Variants in CLASP2 observed in about 807,000 individuals in gnomAD.
CLASP2 encodes the protein cytoplasmic linker associated protein 2.
In CLASP2, 47 loss-of-function variants were observed where a neutral mutation model predicts 194.4. The ratio of observed to expected loss-of-function variants is 0.24; its 90% CI spans 0.19 to 0.31. The LOEUF is 0.31. Among genes scored for constraint, CLASP2 ranks in the 10% least tolerant of loss-of-function variants. The pLI is 1.00. For missense variants in CLASP2, 1,445 were observed against 1,823.6 expected, an observed-to-expected ratio of 0.79 and a Z score of 3.78; for synonymous variants, 619 against 633.5, an observed-to-expected ratio of 0.98 and a Z score of 0.34.
chr3:33,644,918 A>C lies in CLASP2; in HGVS notation c.716-15T>G, dbSNP rs2082019638. 1 of 1,576,400 alleles carries C rather than the reference A, an allele frequency of 6.3e-7. No homozygotes were observed. On this transcript the variant is annotated splice_polypyrimidine_tract_variant and intron_variant, in intron 7 of 38. Coordinates refer to ENST00000682230, the MANE Select transcript of CLASP2 (RefSeq NM_001365631.1). The stretch of plus-strand genomic sequence containing the variant: ...GAAGCTTTTATCTGCACAAAGCATC[A>C]GAAAAATGTATTTAAGAGAACTAAG...
At chr3:33,618,859 C>T (rs1165268506) in intron 12 of CLASP2, among the ~76,000 whole-genome samples, 1 of 152,094 alleles carries the variant, frequency 6.6e-6, no homozygotes, top group African/African-American at 2.4e-5. Context: ...CAGACTTCCT[C>T]AAGATATGAG....
At position 33,626,998 on chromosome 3, in the gene CLASP2, C is replaced by T; in HGVS notation, c.1025G>A (p.Arg342His). Residue 342 changes from arginine to histidine, a missense_variant, in exon 10 of 39, where the codon CGT (arginine) becomes CAT (histidine). Around this residue, in one of 4 missense-constraint regions of CLASP2, gnomAD observed 207 missense variants for 331.4 expected, o/e 0.62. Transcript: ENST00000682230. ...AAGACAAAAACTTACTGCATTGGCA[C>T]GCTGATCCCAGTCATGTTTATCATC... Reference protein sequence around the residue: ...LSDDKHDWDQRANALKKIRSL... With the variant: ...LSDDKHDWDQHANALKKIRSL... 2 of 1,587,734 alleles carry T rather than the reference C, an allele frequency of 1.3e-6. No individual in the cohort carries two copies. Among genetic ancestry groups the T allele is most frequent in the Non-Finnish European group, 1.7e-6 (2 of 1,164,264 alleles).
At chr3:33,674,958 C>A (rs1384512331) in intron 6 of CLASP2, among the ~76,000 whole-genome samples, 1 of 151,978 alleles carries the variant, frequency 6.6e-6, no homozygotes, top group Non-Finnish European at 1.5e-5. Flanking sequence ...GCTTACCAAC[C>A]AAAAAGGGTC....
Position 33,538,956 on chromosome 3 carries a change from G to T in CLASP2, c.3405-14C>A. 1 of 1,537,964 alleles carries T rather than the reference G, an allele frequency of 6.5e-7. No individual in the cohort carries two copies. Among genetic ancestry groups the T allele is most frequent in the Non-Finnish European group, 8.7e-7 (1 of 1,143,882 alleles). On this transcript the variant is annotated splice_polypyrimidine_tract_variant and intron_variant, in intron 32 of 38. Transcript: ENST00000682230. ...TAATCAAATGCACTATGAAAAAGACGACACTAATTTTTACTTAGGTGTAGT... is the reference window on the plus strand; with the variant it reads ...TAATCAAATGCACTATGAAAAAGACTACACTAATTTTTACTTAGGTGTAGT...
At chr3:33,509,449 A>C (rs2049168408) in intron 37 of CLASP2, among the ~76,000 whole-genome samples, 1 of 152,160 alleles carries the variant, frequency 6.6e-6, no homozygotes, top group African/African-American at 2.4e-5. Context: ...TCCCGACCTC[A>C]GGTGATCTGC....
At chr3:33,636,917 G>A (rs1472410796) in intron 8 of CLASP2, among the ~76,000 whole-genome samples, 1 of 152,094 alleles carries the variant, frequency 6.6e-6, no homozygotes, top group Non-Finnish European at 1.5e-5. Context: ...TTTGTTTAAA[G>A]ACAAAATCAC....
intron 7 of CLASP2, among the ~76,000 whole-genome samples, chr3:33,652,715 T>C (rs915246872): frequency 2.0e-5 from 3 of 152,118 alleles, no homozygotes; most frequent in Admixed American, 6.5e-5. Context: ...ATCTCCCCCA[T>C]GGGTATCTCC....
At chr3:33,615,691 T>A (rs2076028626) in intron 12 of CLASP2, among the ~76,000 whole-genome samples, 1 of 151,922 alleles carries the variant, frequency 6.6e-6, no homozygotes, top group African/African-American at 2.4e-5. Flanking sequence ...ACTACCTATA[T>A]AAAGTGATGA....
chr3:33,530,924 C>T (rs902035228), intron 34 of CLASP2, among the ~76,000 whole-genome samples: 1 of 152,170 alleles, frequency 6.6e-6, no homozygotes, highest in Non-Finnish European at 1.5e-5. Flanking sequence ...TCTACAGATT[C>T]AGTGCAATCA....
intron 1 of CLASP2, among the ~76,000 whole-genome samples, chr3:33,701,675 T>C (rs767463285): frequency 6.6e-6 from 1 of 152,172 alleles, no homozygotes; most frequent in Non-Finnish European, 1.5e-5. Context: ...AGTCAACTGA[T>C]CTCCAACAAC....
intron 34 of CLASP2, among the ~76,000 whole-genome samples, chr3:33,521,272 T>C (rs1328598828): frequency 2.0e-5 from 3 of 152,154 alleles, no homozygotes; most frequent in Admixed American, 6.5e-5. Flanking sequence ...GAAAAGAATA[T>C]GTAACCTGTT....
rs1403787484 is a variant in CLASP2, at chr3:33,689,863, A to G, written c.344T>C (p.Ile115Thr). The G allele has an allele frequency of 6.3e-7, 1 of 1,597,914 alleles. No individual in the cohort carries two copies. The highest frequency in any genetic ancestry group is 8.5e-7 in the Non-Finnish European group (1 of 1,172,704). Residue 115 changes from isoleucine (I) to threonine (T), a missense_variant, in exon 3 of 39, where the codon ATA (isoleucine) becomes ACA (threonine). By Grantham distance (89) the Ile-to-Thr change is moderately conservative. Coordinates refer to ENST00000682230, the MANE Select transcript of CLASP2 (RefSeq NM_001365631.1). ...DKVRDEAQTLILKLMDQVAPP... is the reference protein window; with the variant it reads ...DKVRDEAQTLTLKLMDQVAPP... ...TGCTACTTGATCCATTAACTTCAAT[A>G]TCAGAGTCTGAGCTTCATCTCGAAC...
intron 24 of CLASP2, 36 bp from the exon 25 acceptor site, chr3:33,573,390 A>G (rs1196840296): frequency 6.2e-7 from 1 of 1,603,002 alleles, no homozygotes; most frequent in Non-Finnish European, 8.5e-7. Context: ...GCAGTAGCCA[A>G]AAGAATATAT....
chr3:33,551,510 G>A, intron 29 of CLASP2, 115 bp from the exon 30 acceptor site: 1 of 1,018,722 alleles, frequency 9.8e-7, no homozygotes, highest in Non-Finnish European at 1.4e-6. Context: ...ATACAGATAG[G>A]GTCTTACTAT....
intron 27 of CLASP2, among the ~76,000 whole-genome samples, chr3:33,562,208 G>C (rs1376951131): frequency 6.6e-6 from 1 of 152,188 alleles, no homozygotes; most frequent in African/African-American, 2.4e-5. Context: ...CTGGTCCCCA[G>C]ACAGTGTGTG....
chr3:33,621,255 A>T (rs969660405), intron 11 of CLASP2, among the ~76,000 whole-genome samples: 5 of 152,130 alleles, frequency 3.3e-5, no homozygotes, highest in Admixed American at 3.3e-4. Context: ...GCTGTCTATT[A>T]CGTGGAAACA....
chr3:33,642,690 A>G (rs1402350289), intron 8 of CLASP2, among the ~76,000 whole-genome samples: 1 of 151,940 alleles, frequency 6.6e-6, no homozygotes, highest in African/African-American at 2.4e-5. Context: ...TTAAAAATCA[A>G]CAAGTCTTTG....
chr3:33,690,554 T>C (rs896758550), intron 2 of CLASP2, among the ~76,000 whole-genome samples: 2 of 152,224 alleles, frequency 1.3e-5, no homozygotes, highest in African/African-American at 4.8e-5. Flanking sequence ...ATTTGCCTTG[T>C]TTCTCTTTTG....
At chr3:33,645,314 A>T in intron 7 of CLASP2, 1 of 765,260 alleles carries the variant, frequency 1.3e-6, no homozygotes, top group Non-Finnish European at 2.4e-6. Flanking sequence ...CAGTCGCCTC[A>T]TTCCTCTGAA....
Sources: allele counts gnomAD v4.1 joint callset (sites outside exome capture counted in the v4.1 genomes callset), GRCh38; gene constraint gnomAD v4.1.1; regional missense constraint gnomAD v4.1.1; transcripts MANE v1.5; gene names NCBI Gene and HGNC (gene_info 2026-07-23, HGNC 2026-07-21).